Variants in BBS7 observed in about 807,000 individuals in gnomAD.
BBS7 encodes the protein BBSome complex member BBS7.
In BBS7, 50 loss-of-function variants were observed where a neutral mutation model predicts 90.3. That is an observed-to-expected ratio of 0.55 (90% CI 0.44 to 0.70). The LOEUF (loss-of-function observed/expected upper bound fraction) is 0.70, where lower values mean the gene tolerates loss of function less well. Among genes scored for constraint, BBS7 ranks in the 30% least tolerant of loss-of-function variants. The pLI is 0.00. For missense variants in BBS7, 729 were observed against 838.9 expected, an observed-to-expected ratio of 0.87 and a Z score of 1.62; for synonymous variants, 235 against 287.4, an observed-to-expected ratio of 0.82 and a Z score of 1.85.
rs747981567 is a variant in BBS7, at chr4:121,854,662, A to G, written c.718+42T>C. 6 of 1,582,684 alleles carry G rather than the reference A, an allele frequency of 3.8e-6. No individual in the cohort carries two copies. In the South Asian group the frequency reaches 6.9e-5, roughly 18 times the overall value. Reference sequence around the variant, plus strand: ...AATTATATAATTTAAGATACTTAATAATCATTGACACCTCAGAATCTGAAC... The same window carrying G: ...AATTATATAATTTAAGATACTTAATGATCATTGACACCTCAGAATCTGAAC... On this transcript the variant is annotated intron_variant, in intron 7 of 18. Coordinates refer to ENST00000264499, the MANE Select transcript of BBS7 (RefSeq NM_176824.3).
chr4:121,864,140 C>T (rs1727136844), intron 2 of BBS7, among the ~76,000 whole-genome samples: 1 of 152,154 alleles, frequency 6.6e-6, no homozygotes, highest in Admixed American at 6.5e-5. Context: ...ACAGTTTCAT[C>T]CCAAAACAAT....
intron 10 of BBS7, among the ~76,000 whole-genome samples, chr4:121,846,271 A>C (rs529023111): frequency 6.6e-6 from 1 of 152,338 alleles, no homozygotes; most frequent in South Asian, 2.1e-4. Flanking sequence ...AGCATTGCTT[A>C]GAGCTCCAGT....
chr4:121,852,539 AC>A (rs1329287962), intron 8 of BBS7, among the ~76,000 whole-genome samples: 1 of 152,042 alleles, frequency 6.6e-6, no homozygotes, highest in African/African-American at 2.4e-5. Context: ...TGAAACTGCT[AC>A]TTTTTTCATT....
rs1726503572 is a variant in BBS7, at chr4:121,854,691, A to G, written c.718+13T>C. On this transcript the variant is annotated intron_variant, in intron 7 of 18. Coordinates refer to ENST00000264499, the MANE Select transcript of BBS7 (RefSeq NM_176824.3). ...ATTGACACCTCAGAATCTGAACTACATGAAAAGCATACCTCCTCTCTTTTT... is the reference window on the plus strand; with the variant it reads ...ATTGACACCTCAGAATCTGAACTACGTGAAAAGCATACCTCCTCTCTTTTT... 6.2e-7 allele frequency: 1 copy of G among 1,609,468 alleles called. No homozygotes were observed. The highest frequency in any genetic ancestry group is 8.5e-7 in the Non-Finnish European group (1 of 1,177,286).
Position 121,827,165 on chromosome 4 carries a change from T to C in BBS7, c.2014+981A>G, listed in dbSNP as rs183134702. Among the ~76,000 whole-genome samples the C allele has an allele frequency of 2.9e-3, 448 of 152,344 alleles. 5 individuals are homozygous for C. The highest frequency in any genetic ancestry group is 0.01 in the African/African-American group (420 of 41,584). On this transcript the variant is annotated intron_variant, in intron 18 of 18. Coordinates refer to ENST00000264499, the MANE Select transcript of BBS7 (RefSeq NM_176824.3). ...TCAGTGATATTATGTACAGCCAATCTCATAAGTTATTATAAGGATAAAAGA... is the reference window on the plus strand; with the variant it reads ...TCAGTGATATTATGTACAGCCAATCCCATAAGTTATTATAAGGATAAAAGA...
intron 15 of BBS7, among the ~76,000 whole-genome samples, chr4:121,832,544 G>A (rs1238494054): frequency 6.6e-6 from 1 of 152,168 alleles, no homozygotes; most frequent in Non-Finnish European, 1.5e-5. Context: ...ATATTGAGAA[G>A]TTGAGAGGAA....
chr4:121,847,713 C>T (rs929155350), intron 9 of BBS7, among the ~76,000 whole-genome samples: 2 of 150,738 alleles, frequency 1.3e-5, no homozygotes, highest in East Asian at 1.9e-4. Context: ...AAGCATTTCA[C>T]GATATCATTT....
In BBS7 at chr4:121,833,986, T is replaced by G. The variant is rs183734837; in HGVS notation, c.1512-591A>C. Among the ~76,000 whole-genome samples the G allele has an allele frequency of 8.5e-5, 13 of 152,282 alleles. No individual in the cohort carries two copies. In the East Asian group the frequency reaches 1.7e-3, roughly 20 times the overall value. ...GTAAGACAGGCATGGGTTGTTCCAT[T>G]ATTTACTAGCTCTGTGCCATTGGAC... On this transcript the variant is annotated intron_variant, in intron 14 of 18. Transcript: ENST00000264499.
intron 15 of BBS7, among the ~76,000 whole-genome samples, chr4:121,829,129 G>T (rs1384098762): frequency 2.6e-5 from 4 of 152,018 alleles, no homozygotes; most frequent in African/African-American, 9.7e-5. Context: ...GTGACTATAT[G>T]CTTTATCCTT....
chr4:121,856,421 T>C (rs1726673673), intron 5 of BBS7, among the ~76,000 whole-genome samples: 1 of 152,120 alleles, frequency 6.6e-6, no homozygotes, highest in Admixed American at 6.5e-5. Flanking sequence ...ATTCAATGAA[T>C]ACAAAATTTG....
intron 2 of BBS7, 93 bp from the exon 3 acceptor site, chr4:121,863,372 T>C: frequency 1.8e-6 from 2 of 1,128,716 alleles, no homozygotes; most frequent in South Asian, 1.4e-5. Context: ...AATTTATAAA[T>C]ACTGACTTAA....
At chr4:121,851,117 T>C (rs939906387) in intron 8 of BBS7, among the ~76,000 whole-genome samples, 3 of 152,140 alleles carry the variant, frequency 2.0e-5, no homozygotes, top group Non-Finnish European at 4.4e-5. Context: ...ACTTATCCAA[T>C]AGAAACACGC....
rs1725967196 is a variant in BBS7 at position 121,845,605 on chromosome 4, G to A, written c.1129C>T (p.Pro377Ser). Residue 377 changes from proline (P) to serine (S), a missense_variant, in exon 11 of 19, where the codon CCT becomes TCT. By Grantham distance (74) the Pro-to-Ser change is moderately conservative (BLOSUM62 -1). Transcript: ENST00000264499. Reference protein sequence around the residue: ...SQSSKAKSAVPSFGINDKFTL... With the variant: ...SQSSKAKSAVSSFGINDKFTL... ...AATTTATCATTTATACCAAAGGAAGGTACTGCTGATTTTGCTTTGCTTGAT... is the reference window on the plus strand; with the variant it reads ...AATTTATCATTTATACCAAAGGAAGATACTGCTGATTTTGCTTTGCTTGAT... The A allele has an allele frequency of 1.9e-6, 3 of 1,612,358 alleles. No individual in the cohort carries two copies. Among genetic ancestry groups the A allele is most frequent in the South Asian group, 1.1e-5 (1 of 91,052 alleles).
At chr4:121,826,474 A>G (rs1724912556) in intron 18 of BBS7, among the ~76,000 whole-genome samples, 1 of 152,226 alleles carries the variant, frequency 6.6e-6, no homozygotes. Flanking sequence ...GTTTTCTCAT[A>G]TGTAAAACAG....
At chr4:121,855,791 CG>C in intron 5 of BBS7, among the ~76,000 whole-genome samples, 1 of 147,768 alleles carries the variant, frequency 6.8e-6, no homozygotes, top group African/African-American at 2.6e-5. Flanking sequence ...TACATATATA[CG>C]TATATATACA....
At chr4:121,855,894 A>T (rs1345178872) in intron 5 of BBS7, among the ~76,000 whole-genome samples, 1 of 144,926 alleles carries the variant, frequency 6.9e-6, no homozygotes, top group African/African-American at 2.7e-5. Context: ...ATGTACATAC[A>T]TGTATGTGTA....
chr4:121,828,338 A>G, intron 17 of BBS7, 64 bp downstream of exon 17: 1 of 1,591,322 alleles, frequency 6.3e-7, no homozygotes, highest in South Asian at 1.1e-5. Context: ...TAAAGTATTG[A>G]TAATTTTAGA....
intron 4 of BBS7, among the ~76,000 whole-genome samples, chr4:121,860,537 T>G (rs1054994248): frequency 5.3e-5 from 8 of 151,558 alleles, no homozygotes; most frequent in African/African-American, 1.9e-4. Flanking sequence ...AGAAACTCTC[T>G]ATCTTTCTCA....
intron 2 of BBS7, among the ~76,000 whole-genome samples, chr4:121,864,448 T>C (rs1237309208): frequency 6.6e-6 from 1 of 152,206 alleles, no homozygotes; most frequent in Non-Finnish European, 1.5e-5. Context: ...TTAAACAAGT[T>C]GCAAAAAGTA....
Sources: allele counts gnomAD v4.1 joint callset (sites outside exome capture counted in the v4.1 genomes callset), GRCh38; gene constraint gnomAD v4.1.1; transcripts MANE v1.5; gene names NCBI Gene and HGNC (gene_info 2026-07-23, HGNC 2026-07-21).